BTAF1: variants seen among roughly 807,000 people sequenced by gnomAD.
BTAF1 encodes TATA-binding protein-associated factor 172.
BTAF1 carries 38 observed loss-of-function variants against 227.1 expected under a neutral mutation model. The observed-to-expected ratio is 0.17, with a 90% CI of 0.13 to 0.22. BTAF1 has a LOEUF of 0.22. Among genes scored for constraint, BTAF1 ranks in the 10% least tolerant of loss-of-function variants. The probability of loss-of-function intolerance (pLI) is 1.00; values close to 1 mark genes in which losing one functional copy is unlikely to be tolerated. For synonymous variants in BTAF1, 742 were observed against 751.9 expected (o/e 0.99, Z 0.21); for missense variants, 1,598 against 2,204.0 (o/e 0.73, Z 5.51).
chr10:92,004,988 A>G (rs1394547749), intron 25 of BTAF1, among the ~76,000 whole-genome samples: 5 of 152,166 alleles, frequency 3.3e-5, no homozygotes, highest in Non-Finnish European at 5.9e-5. Flanking sequence ...TCCCAACACC[A>G]TTTATTGAAG....
Position 91,993,822 on chromosome 10 carries a change from G to A in BTAF1, c.3174G>A (p.Arg1058=). Reference sequence around the variant, plus strand: ...GGGATGCTATGGTTGGCCCATTGAGGAATACAATCGACATAAATAATTTTG... The same window carrying A: ...GGGATGCTATGGTTGGCCCATTGAGAAATACAATCGACATAAATAATTTTG... ...HLWDAMVGPL[R]NTIDINNFDG... The change falls in exon 22 of 38, where the codon AGG becomes AGA. Residue 1058 remains arginine (R), a synonymous_variant. Transcript: ENST00000265990. The A allele has an allele frequency of 6.3e-7, 1 of 1,595,190 alleles. No homozygotes were observed. The highest frequency in any genetic ancestry group is 8.5e-7 in the Non-Finnish European group (1 of 1,170,988).
rs755411827 is a variant in BTAF1 at position 91,982,079 on chromosome 10, G to A, written c.1906-4G>A. 1.9e-6 allele frequency: 3 copies of A among 1,605,870 alleles called. No individual in the cohort carries two copies. Among genetic ancestry groups the A allele is most frequent in the Admixed American group, 3.4e-5 (2 of 58,824 alleles). ...TATTGTTTTTTTTTCCCCTCCCTCTGTAGGAAAAAACAGGTGGTAAGGTGC... is the reference window on the plus strand; with the variant it reads ...TATTGTTTTTTTTTCCCCTCCCTCTATAGGAAAAAACAGGTGGTAAGGTGC... On this transcript the variant is annotated splice_polypyrimidine_tract_variant and splice_region_variant and intron_variant, in intron 16 of 37. Transcript: ENST00000265990.
At chr10:91,989,781 A>G (rs977997605) in intron 20 of BTAF1, among the ~76,000 whole-genome samples, 8 of 152,238 alleles carry the variant, frequency 5.3e-5, no homozygotes, top group African/African-American at 1.7e-4. Flanking sequence ...GTAAGTTCAA[A>G]AAAGCCATTC....
At chr10:91,966,566 A>G in intron 13 of BTAF1, 71 bp from the exon 14 acceptor site, 1 of 1,515,652 alleles carries the variant, frequency 6.6e-7, no homozygotes, top group Non-Finnish European at 9.1e-7. Flanking sequence ...ATCCCATGAG[A>G]ATATTTAGAT....
At chr10:91,987,638 A>G (rs1848495213) in intron 19 of BTAF1, among the ~76,000 whole-genome samples, 2 of 152,114 alleles carry the variant, frequency 1.3e-5, no homozygotes, top group Admixed American at 6.5e-5. Context: ...TAGACTAGCA[A>G]TGCTCTTTTT....
rs994633517 is a variant in BTAF1, at chr10:92,011,115, A to G, written c.4146A>G (p.Ser1382=). The G allele has an allele frequency of 3.7e-6, 6 of 1,606,044 alleles. No homozygotes were observed. Among genetic ancestry groups the G allele is most frequent in the Admixed American group, 3.4e-5 (2 of 58,770 alleles). Residue 1382 remains serine, a synonymous_variant, in exon 29 of 38, where the codon TCA becomes TCG. Coordinates refer to ENST00000265990, the MANE Select transcript of BTAF1 (RefSeq NM_003972.3). ...QVKRHNLIVA[S]YDVVRNDIDF... ...AAAGGCACAATCTAATAGTGGCTTC[A>G]TATGATGTTGTGAGGAATGACATAG...
rs1337170994 is a variant in BTAF1, at chr10:92,018,876, G to A, written c.4804G>A (p.Val1602Ile). The change falls in exon 34 of 38, where the codon GTT (valine) becomes ATT (isoleucine). Residue 1602 changes from valine to isoleucine, a missense_variant. Physicochemically the swap from Val to Ile is conservative, Grantham distance 29. Transcript: ENST00000265990. ...EFKTTAEKLA[V>I]QNSSLHDIQH... ...CAAGACCACTGCCGAAAAACTGGCA[G>A]TTCAGAATTCTTCTCTACATGATAT... 5.6e-6 allele frequency: 9 copies of A among 1,610,836 alleles called. No individual in the cohort carries two copies. The African/African-American group carries it at 9.4e-5, about 17-fold the overall frequency.
At chr10:91,939,134 T>C (rs1213795415) in intron 2 of BTAF1, among the ~76,000 whole-genome samples, 1 of 152,168 alleles carries the variant, frequency 6.6e-6, no homozygotes, top group East Asian at 1.9e-4. Context: ...TTTTTAGTGT[T>C]TTTTAGCTTT....
In BTAF1 at chr10:91,966,769, T is replaced by TTC; in HGVS notation, c.1650+12_1650+13insTC. 1 of 1,611,662 alleles carries TTC rather than the reference T, an allele frequency of 6.2e-7. No individual in the cohort carries two copies. The highest frequency in any genetic ancestry group is 8.5e-7 in the Non-Finnish European group (1 of 1,178,786). ...CAACACAGGACCAGGTAAGAACTGA[T>TTC]AACTATAGCAGTCTTGAAACTTATA... is the stretch of plus-strand genomic sequence containing the variant. On this transcript the variant is annotated intron_variant, in intron 14 of 37. Coordinates refer to ENST00000265990, the MANE Select transcript of BTAF1 (RefSeq NM_003972.3).
intron 25 of BTAF1, among the ~76,000 whole-genome samples, chr10:92,001,456 G>A (rs776730569): frequency 6.6e-6 from 1 of 152,186 alleles, no homozygotes; most frequent in Non-Finnish European, 1.5e-5. Context: ...ACTAAGCAGA[G>A]TAAGAGTAAC....
chr10:91,942,658 C>A, intron 4 of BTAF1, 90 bp downstream of exon 4: 2 of 1,375,370 alleles, frequency 1.5e-6, no homozygotes, highest in Non-Finnish European at 2.0e-6. Context: ...CACACGTAAA[C>A]TAACATGTCA....
intron 35 of BTAF1, among the ~76,000 whole-genome samples, chr10:92,026,187 A>T (rs1390040295): frequency 6.6e-6 from 1 of 152,148 alleles, no homozygotes; most frequent in Admixed American, 6.5e-5. Context: ...GGACTAGTAC[A>T]GTAGTAGCAA....
At chr10:92,014,358 G>T (rs1445248137) in intron 32 of BTAF1, among the ~76,000 whole-genome samples, 2 of 152,058 alleles carry the variant, frequency 1.3e-5, no homozygotes, top group Non-Finnish European at 2.9e-5. Context: ...CCCCCAAGTA[G>T]CTGGGACTGC....
intron 26 of BTAF1, 30 bp from the exon 27 acceptor site, chr10:92,008,797 GTA>G (rs777983682): frequency 6.6e-6 from 10 of 1,521,500 alleles, no homozygotes; most frequent in Non-Finnish European, 8.9e-6. Context: ...AATTTATGAT[GTA>G]TTCACATTTA....
At chr10:92,014,804 T>C (rs550360860) in intron 32 of BTAF1, among the ~76,000 whole-genome samples, 5 of 152,342 alleles carry the variant, frequency 3.3e-5, no homozygotes, top group African/African-American at 9.6e-5. Context: ...GATTTTGTCA[T>C]TGTGCAAACA....
At position 92,008,862 on chromosome 10, in the gene BTAF1, T is replaced by C. The variant is rs764395046; in HGVS notation, c.3847T>C (p.Tyr1283His). 9 of 1,612,888 alleles carry C rather than the reference T, an allele frequency of 5.6e-6. No individual in the cohort carries two copies. Among genetic ancestry groups the C allele is most frequent in the Non-Finnish European group, 6.8e-6 (8 of 1,178,986 alleles). Residue 1283 changes from tyrosine to histidine, a missense_variant, in exon 27 of 38, where the codon TAT becomes CAT. Transcript: ENST00000265990. Reference sequence around the variant, plus strand: ...GAACTGGTTAGCATTTCTTAATAAGTATAAACTTCATGGAATTCTGTGTGA... The same window carrying C: ...GAACTGGTTAGCATTTCTTAATAAGCATAAACTTCATGGAATTCTGTGTGA... ...GVNWLAFLNK[Y>H]KLHGILCDDM...
At chr10:91,962,195 G>A (rs1005905084) in intron 11 of BTAF1, among the ~76,000 whole-genome samples, 3 of 152,100 alleles carry the variant, frequency 2.0e-5, no homozygotes, top group African/African-American at 7.2e-5. Flanking sequence ...TACCTTTTCT[G>A]TATTTAAATA....
chr10:91,984,106 A>G lies in BTAF1; in HGVS notation c.2224-95A>G, dbSNP rs1848243732. ...ACAGAATATAGATTCAGTACAAGTAAGAATTTAGAACTTGGTAGTCTACAA... is the reference window on the plus strand; with the variant it reads ...ACAGAATATAGATTCAGTACAAGTAGGAATTTAGAACTTGGTAGTCTACAA... On this transcript the variant is annotated intron_variant, in intron 18 of 37. Coordinates refer to ENST00000265990, the MANE Select transcript of BTAF1 (RefSeq NM_003972.3). 3.5e-5 allele frequency: 37 copies of G among 1,070,402 alleles called. 1 individual carries two copies. The South Asian group carries it at 5.8e-4, about 17-fold the overall frequency. The allele number at this position is 1,070,402 out of a possible 1,614,324, so 66.3% of individuals were successfully genotyped here.
chr10:91,924,160 C>T (rs1202280164), intron 1 of BTAF1, 70 bp downstream of exon 1: 1 of 1,574,098 alleles, frequency 6.4e-7, no homozygotes, highest in Non-Finnish European at 8.6e-7. Context: ...TTAGAGCCCC[C>T]ACTCCTAGAG....
Sources: allele counts gnomAD v4.1 joint callset (sites outside exome capture counted in the v4.1 genomes callset), GRCh38; gene constraint gnomAD v4.1.1; transcripts MANE v1.5; gene names NCBI Gene and HGNC (gene_info 2026-07-23, HGNC 2026-07-21).